The following PPM1H variants were observed in gnomAD, a reference collection of about 807,000 sequenced individuals.
PPM1H encodes protein phosphatase, Mg2+/Mn2+ dependent 1H.
PPM1H carries 27 observed loss-of-function variants against 54.9 expected under a neutral mutation model. The observed-to-expected ratio is 0.49, with a 90% CI of 0.36 to 0.68. The LOEUF (loss-of-function observed/expected upper bound fraction) is 0.68, where lower values mean the gene tolerates loss of function less well. PPM1H is among the 30% of genes least tolerant of loss of function. PPM1H has a pLI of 0.00. For missense variants in PPM1H, 596 were observed against 667.8 expected (o/e 0.89, Z 1.19); for synonymous variants, 305 against 270.8 (o/e 1.13, Z -1.24).
intron 5 of PPM1H, among the ~76,000 whole-genome samples, chr12:62,734,128 A>G (rs1305995161): frequency 1.4e-5 from 2 of 142,938 alleles, no homozygotes; most frequent in East Asian, 2.3e-4. Context: ...CTTCTGCCAC[A>G]TGAATTTTTT....
intron 6 of PPM1H, among the ~76,000 whole-genome samples, chr12:62,708,036 C>A (rs1198090139): frequency 1.3e-5 from 2 of 152,234 alleles, no homozygotes; most frequent in African/African-American, 4.8e-5. Flanking sequence ...TCCATCCCCT[C>A]ATGAGGCTTC....
At chr12:62,725,015 A>C (rs1037453842) in intron 5 of PPM1H, among the ~76,000 whole-genome samples, 1 of 152,222 alleles carries the variant, frequency 6.6e-6, no homozygotes, top group Non-Finnish European at 1.5e-5. Flanking sequence ...TTTTTTAATT[A>C]ATCCACAACA....
At chr12:62,693,880 A>T (rs2076097855) in intron 7 of PPM1H, 56 bp downstream of exon 7, 3 of 1,507,164 alleles carry the variant, frequency 2.0e-6, no homozygotes, top group Admixed American at 1.8e-5. Flanking sequence ...GGCTATGTGG[A>T]GCGAAGGCGG....
chr12:62,880,668 T>A (rs1870360394), intron 1 of PPM1H, among the ~76,000 whole-genome samples: 1 of 152,200 alleles, frequency 6.6e-6, no homozygotes, highest in Non-Finnish European at 1.5e-5. Flanking sequence ...GAAGAGAAAA[T>A]TGTGTCATTC....
chr12:62,736,576 A>G (rs1004920029), intron 5 of PPM1H, among the ~76,000 whole-genome samples: 2 of 152,252 alleles, frequency 1.3e-5, no homozygotes, highest in African/African-American at 4.8e-5. Context: ...AGACATGGAA[A>G]TGGAAGGAAA....
At chr12:62,742,403 T>C (rs1419760211) in intron 4 of PPM1H, among the ~76,000 whole-genome samples, 1 of 152,200 alleles carries the variant, frequency 6.6e-6, no homozygotes, top group Admixed American at 6.5e-5. Flanking sequence ...CTTTCTCTCT[T>C]TCATCACTCT....
At position 62,832,182 on chromosome 12, in the gene PPM1H, T is replaced by A. The variant is rs757145669; in HGVS notation, c.343A>T (p.Asn115Tyr). 2 of 1,613,846 alleles carry A rather than the reference T, an allele frequency of 1.2e-6. No homozygotes were observed. Among genetic ancestry groups the A allele is most frequent in the Non-Finnish European group, 1.7e-6 (2 of 1,179,822 alleles). The change falls in exon 2 of 10, where the codon AAC becomes TAC. Residue 115 changes from asparagine to tyrosine, a missense_variant. By Grantham distance (143) the Asn-to-Tyr change is moderately radical. This residue lies in a region of PPM1H where 382 missense variants were observed against 387.1 expected (regional missense o/e 0.99). Transcript: ENST00000228705. ...KKAGAVTSTP[N>Y]RNSSKRRSSL... ...GACCGTCTCTTGGATGAGTTCCTGT[T>A]TGGGGTTGAGGTCACGGCCCCTGCC...
intron 5 of PPM1H, among the ~76,000 whole-genome samples, chr12:62,732,997 C>T (rs2076331161): frequency 6.6e-6 from 1 of 152,064 alleles, no homozygotes; most frequent in Non-Finnish European, 1.5e-5. Flanking sequence ...AATAATGAAT[C>T]AGTAGGATTA....
At position 62,803,244 on chromosome 12, in the gene PPM1H, T is replaced by C. The variant is rs909380185; in HGVS notation, c.412-1084A>G. 5.3e-5 allele frequency among the ~76,000 whole-genome samples: 8 copies of C among 152,182 alleles called. No individual in the cohort carries two copies. The East Asian group carries it at 9.6e-4, about 18-fold the overall frequency. ...TGCAACCCGTGTTCCCTCATCTACG[T>C]TGGGTTTAGTGGCTGCTGGTGGATT... On this transcript the variant is annotated intron_variant, in intron 2 of 9. Coordinates refer to ENST00000228705, the MANE Select transcript of PPM1H (RefSeq NM_020700.2).
At chr12:62,905,926 C>G (rs1366213139) in intron 1 of PPM1H, among the ~76,000 whole-genome samples, 3 of 152,082 alleles carry the variant, frequency 2.0e-5, no homozygotes, top group Non-Finnish European at 4.4e-5. Flanking sequence ...CTATGAGATG[C>G]CAGCCAAGCA....
Position 62,773,051 on chromosome 12 carries a change from G to C in PPM1H, c.869+15175C>G, listed in dbSNP as rs545195875. On this transcript the variant is annotated intron_variant, in intron 4 of 9. Coordinates refer to ENST00000228705, the MANE Select transcript of PPM1H (RefSeq NM_020700.2). ...TAGTTCCAGCTACTCGGGAGGCTGAGGCAGGAGAATCGCTTGAACCAGGGA... is the reference window on the plus strand; with the variant it reads ...TAGTTCCAGCTACTCGGGAGGCTGACGCAGGAGAATCGCTTGAACCAGGGA... Among the ~76,000 whole-genome samples, 301 of 152,372 alleles carry C rather than the reference G, an allele frequency of 2.0e-3. 1 individual carries two copies. The highest frequency in any genetic ancestry group is 3.5e-3 in the Non-Finnish European group (238 of 68,040).
At chr12:62,824,084 C>T (rs372856154) in intron 2 of PPM1H, among the ~76,000 whole-genome samples, 6,558 of 140,630 alleles carry the variant, frequency 0.047, 199 homozygotes, top group Middle Eastern at 0.08. Flanking sequence ...ACAAAAATCA[C>T]AAGCATTCTT....
At chr12:62,882,216 A>C (rs985878217) in intron 1 of PPM1H, among the ~76,000 whole-genome samples, 1 of 152,234 alleles carries the variant, frequency 6.6e-6, no homozygotes, top group Non-Finnish European at 1.5e-5. Flanking sequence ...CTAAGCATCT[A>C]TACACTATGT....
chr12:62,934,772 G>A lies in PPM1H; in HGVS notation c.-36C>T. The A allele has an allele frequency of 2.7e-6, 4 of 1,465,426 alleles. No homozygotes were observed. Among genetic ancestry groups the A allele is most frequent in the South Asian group, 2.9e-5 (2 of 68,696 alleles). The allele number at this position is 1,465,426 out of a possible 1,614,324, so 90.8% of individuals were successfully genotyped here. ...CGCCCGGCTGCAGCGGTGCGAGCAGGAGGCGGCGGGGGCCGGGCAAGGCGC... is the reference window on the plus strand; with the variant it reads ...CGCCCGGCTGCAGCGGTGCGAGCAGAAGGCGGCGGGGGCCGGGCAAGGCGC... On this transcript the variant is annotated 5_prime_UTR_variant, in exon 1 of 10. Transcript: ENST00000228705. The surrounding 1 kb of genome is among the most constrained non-coding windows in gnomAD (Gnocchi z 4.2).
At chr12:62,772,644 G>A (rs115251229) in intron 4 of PPM1H, among the ~76,000 whole-genome samples, 334 of 152,242 alleles carry the variant, frequency 2.2e-3, no homozygotes, top group African/African-American at 7.8e-3. Context: ...GGTGCCAGCT[G>A]CAACTCTAGA....
intron 4 of PPM1H, among the ~76,000 whole-genome samples, chr12:62,768,823 G>A (rs2076561069): frequency 2.0e-5 from 3 of 152,076 alleles, no homozygotes. Flanking sequence ...AAAGAACACT[G>A]GTGGAAGAAA....
chr12:62,749,985 C>A (rs983090977), intron 4 of PPM1H, among the ~76,000 whole-genome samples: 1 of 151,884 alleles, frequency 6.6e-6, no homozygotes, highest in Non-Finnish European at 1.5e-5. Context: ...CTCATGAAAC[C>A]CAGTGCGCCA....
intron 2 of PPM1H, among the ~76,000 whole-genome samples, chr12:62,813,844 T>C (rs1742474140): frequency 6.6e-6 from 1 of 152,222 alleles, no homozygotes; most frequent in South Asian, 2.1e-4. Flanking sequence ...AGACAGTAAA[T>C]GAGTTACTGT....
chr12:62,850,275 T>C (rs1869131350), intron 1 of PPM1H, among the ~76,000 whole-genome samples: 1 of 152,218 alleles, frequency 6.6e-6, no homozygotes, highest in Admixed American at 6.5e-5. Flanking sequence ...GCAACAATTT[T>C]TTTAAGTTAG....
Sources: allele counts gnomAD v4.1 joint callset (sites outside exome capture counted in the v4.1 genomes callset), GRCh38; gene constraint gnomAD v4.1.1; regional missense constraint gnomAD v4.1.1; non-coding constraint Gnocchi (gnomAD v3.1); transcripts MANE v1.5; gene names NCBI Gene and HGNC (gene_info 2026-07-23, HGNC 2026-07-21).